Variants in KLHL18 observed in about 807,000 individuals in gnomAD.
The protein encoded by KLHL18 is kelch-like protein 18.
Under a neutral mutation model 58.5 loss-of-function variants are expected in KLHL18, and 38 were observed. The ratio of observed to expected loss-of-function variants is 0.65; its 90% CI spans 0.50 to 0.85. The LOEUF (loss-of-function observed/expected upper bound fraction) is 0.85. Among genes scored for constraint, KLHL18 ranks in the 40% least tolerant of loss-of-function variants. The probability of loss-of-function intolerance (pLI) is 0.00; values close to 1 mark genes in which losing one functional copy is unlikely to be tolerated. For synonymous variants in KLHL18, 303 were observed against 301.9 expected, an observed-to-expected ratio of 1.00 and a Z score of -0.04; for missense variants, 624 against 778.4, an observed-to-expected ratio of 0.80 and a Z score of 2.36.
At chr3:47,296,435 A>C (rs1702898151) in intron 1 of KLHL18, among the ~76,000 whole-genome samples, 1 of 152,218 alleles carries the variant, frequency 6.6e-6, no homozygotes, top group Non-Finnish European at 1.5e-5. Flanking sequence ...TTGTAGGTGC[A>C]TGAGACACCC....
chr3:47,339,185 G>A (rs1704051192), intron 7 of KLHL18, among the ~76,000 whole-genome samples: 3 of 152,128 alleles, frequency 2.0e-5, no homozygotes, highest in Admixed American at 2.0e-4. Context: ...TCCTTGCAGG[G>A]TGTGCTAAGG....
At chr3:47,304,281 G>A (rs1703089349) in intron 1 of KLHL18, among the ~76,000 whole-genome samples, 1 of 152,094 alleles carries the variant, frequency 6.6e-6, no homozygotes, top group Non-Finnish European at 1.5e-5. Flanking sequence ...AAGGTGGGAG[G>A]ATCAGTTGAG....
At chr3:47,332,811 C>A (rs1021832819) in intron 4 of KLHL18, among the ~76,000 whole-genome samples, 4 of 151,892 alleles carry the variant, frequency 2.6e-5, no homozygotes, top group African/African-American at 9.7e-5. Flanking sequence ...AACAGGAGAA[C>A]CAGCCCAGCC....
chr3:47,310,945 C>G (rs1212768641), intron 1 of KLHL18, among the ~76,000 whole-genome samples: 2 of 152,172 alleles, frequency 1.3e-5, no homozygotes, highest in Non-Finnish European at 1.5e-5. Flanking sequence ...AGTTCATACT[C>G]TATCTCCACA....
chr3:47,327,346 A>G (rs1703750125), intron 3 of KLHL18, among the ~76,000 whole-genome samples: 1 of 152,200 alleles, frequency 6.6e-6, no homozygotes, highest in Non-Finnish European at 1.5e-5. Context: ...TGAGAAGGAG[A>G]GTTTGGAAAT....
intron 7 of KLHL18, among the ~76,000 whole-genome samples, chr3:47,339,505 A>G (rs1196540103): frequency 6.6e-6 from 1 of 151,976 alleles, no homozygotes; most frequent in African/African-American, 2.4e-5. Flanking sequence ...AAAAAAAAAA[A>G]AAGAAAATAA....
chr3:47,295,030 G>A (rs1210192072), intron 1 of KLHL18, among the ~76,000 whole-genome samples: 2 of 152,150 alleles, frequency 1.3e-5, no homozygotes, highest in Non-Finnish European at 2.9e-5. Context: ...TCTACCTCAT[G>A]TTTGAGAAAG....
chr3:47,334,641 A>C lies in KLHL18; in HGVS notation c.762-42A>C, dbSNP rs1279511631. 1 of 1,609,684 alleles carries C rather than the reference A, an allele frequency of 6.2e-7. No homozygotes were observed. Reference sequence around the variant, plus strand: ...CAGAGATGCAAACGAGGACTAAGTCAGGGGGATACCTCCTGTTCTAGCATC... The same window carrying C: ...CAGAGATGCAAACGAGGACTAAGTCCGGGGGATACCTCCTGTTCTAGCATC... On this transcript the variant is annotated intron_variant, in intron 5 of 9. Coordinates refer to ENST00000232766, the MANE Select transcript of KLHL18 (RefSeq NM_025010.5). The surrounding 1 kb of genome is among the most constrained non-coding windows in gnomAD (Gnocchi z 4.7).
chr3:47,310,211 G>A (rs1451514320), intron 1 of KLHL18, among the ~76,000 whole-genome samples: 1 of 152,200 alleles, frequency 6.6e-6, no homozygotes, highest in Non-Finnish European at 1.5e-5. Flanking sequence ...CCTGCCTGTG[G>A]TAGGGAACAG....
At chr3:47,319,879 T>G in intron 2 of KLHL18, 96 bp downstream of exon 2, 1 of 1,275,602 alleles carries the variant, frequency 7.8e-7, no homozygotes, top group South Asian at 1.3e-5. Flanking sequence ...GGACACAGTG[T>G]CTAATAGCCT....
intron 1 of KLHL18, among the ~76,000 whole-genome samples, chr3:47,316,719 A>G (rs1169342858): frequency 0.017 from 118 of 6,816 alleles, 9 homozygotes; most frequent in African/African-American, 0.046. Context: ...ATATATGTAT[A>G]TGTGTGTGTA....
intron 1 of KLHL18, among the ~76,000 whole-genome samples, chr3:47,314,939 G>T (rs1184552057): frequency 6.6e-6 from 1 of 151,268 alleles, no homozygotes; most frequent in East Asian, 1.9e-4. Flanking sequence ...GTTTTTTTTT[G>T]AAACCAGGTC....
chr3:47,329,167 A>C (rs1703793970), intron 3 of KLHL18, among the ~76,000 whole-genome samples: 1 of 151,060 alleles, frequency 6.6e-6, no homozygotes, highest in Middle Eastern at 3.4e-3. Context: ...CAAGTATAAG[A>C]GTTCCCATAC....
chr3:47,297,067 A>G (rs1702911850), intron 1 of KLHL18, among the ~76,000 whole-genome samples: 1 of 152,150 alleles, frequency 6.6e-6, no homozygotes, highest in African/African-American at 2.4e-5. Context: ...AGCTGTTCAT[A>G]TGGGACTGGA....
intron 6 of KLHL18, among the ~76,000 whole-genome samples, chr3:47,336,221 A>G (rs1053490673): frequency 1.3e-5 from 2 of 152,216 alleles, no homozygotes; most frequent in Admixed American, 6.5e-5. Flanking sequence ...TCCCTCTGGC[A>G]TGCCTCCTGC....
At chr3:47,322,834 G>A (rs1320522938) in intron 3 of KLHL18, 126 bp downstream of exon 3, 10 of 865,374 alleles carry the variant, frequency 1.2e-5, no homozygotes, top group Non-Finnish European at 1.6e-5. Flanking sequence ...AGGTTATTCT[G>A]CAGCACTTAC....
At chr3:47,310,940 A>G (rs779330652) in intron 1 of KLHL18, among the ~76,000 whole-genome samples, 23 of 151,286 alleles carry the variant, frequency 1.5e-4, no homozygotes, top group Non-Finnish European at 2.6e-4. Context: ...CCTCCAGTTC[A>G]TACTCTATCT....
chr3:47,319,187 T>C (rs554126861), intron 1 of KLHL18, among the ~76,000 whole-genome samples: 67 of 152,152 alleles, frequency 4.4e-4, no homozygotes, highest in Non-Finnish European at 8.4e-4. Flanking sequence ...TGCCCCTGCC[T>C]CCGGCCCAGT....
chr3:47,327,347 G>T (rs945076677), intron 3 of KLHL18, among the ~76,000 whole-genome samples: 6 of 152,232 alleles, frequency 3.9e-5, no homozygotes, highest in Non-Finnish European at 8.8e-5. Context: ...GAGAAGGAGA[G>T]TTTGGAAATG....
Sources: gnomAD v4.1 joint callset for allele counts (sites outside exome capture counted in the v4.1 genomes callset) on GRCh38, gnomAD v4.1.1 for gene constraint, Gnocchi (gnomAD v3.1) non-coding constraint, MANE v1.5 for transcripts, NCBI Gene and HGNC (gene_info 2026-07-23, HGNC 2026-07-21) for gene names.